NTNG1: variants seen among roughly 807,000 people sequenced by gnomAD.
The protein encoded by NTNG1 is netrin G1.
NTNG1 carries 16 observed loss-of-function variants against 54.0 expected under a neutral mutation model. The ratio of observed to expected loss-of-function variants is 0.30; its 90% CI spans 0.20 to 0.45. NTNG1 has a LOEUF of 0.45. NTNG1 is among the 20% of genes least tolerant of loss of function. NTNG1 has a pLI of 1.00. For missense variants in NTNG1, 530 were observed against 678.7 expected (o/e 0.78, Z 2.43); for synonymous variants, 255 against 263.1 (o/e 0.97, Z 0.30).
intron 3 of NTNG1, among the ~76,000 whole-genome samples, chr1:107,354,489 A>G (rs968572484): frequency 1.3e-5 from 2 of 151,612 alleles, no homozygotes. Flanking sequence ...AAAAAAAAAA[A>G]AAAGAATTAA....
chr1:107,415,821 T>C (rs1674160557), intron 5 of NTNG1, among the ~76,000 whole-genome samples: 1 of 152,128 alleles, frequency 6.6e-6, no homozygotes, highest in Non-Finnish European at 1.5e-5. Flanking sequence ...TGGAATTGGA[T>C]GTGATAAGAT....
chr1:107,428,941 T>A (rs1675075904), intron 5 of NTNG1, among the ~76,000 whole-genome samples: 1 of 152,048 alleles, frequency 6.6e-6, no homozygotes, highest in Non-Finnish European at 1.5e-5. Context: ...TACTACTAAA[T>A]TTATATGGAT....
intron 7 of NTNG1, among the ~76,000 whole-genome samples, chr1:107,476,591 A>C (rs908436291): frequency 1.3e-5 from 2 of 151,744 alleles, no homozygotes; most frequent in African/African-American, 4.8e-5. Flanking sequence ...GGAAGCTTAG[A>C]CTCTCTCTTA....
chr1:107,395,335 C>T lies in NTNG1; in HGVS notation c.1060+9C>T. 1 of 1,611,464 alleles carries T rather than the reference C, an allele frequency of 6.2e-7. No individual in the cohort carries two copies. The highest frequency in any genetic ancestry group is 8.5e-7 in the Non-Finnish European group (1 of 1,177,848). ...AGGCACTGCAAATACCTGTGAGTAA[C>T]TTTGCTTGGTAACAGCATATTCTGT... On this transcript the variant is annotated intron_variant, in intron 4 of 7. Coordinates refer to ENST00000370068, the MANE Select transcript of NTNG1 (RefSeq NM_001113226.3).
intron 2 of NTNG1, among the ~76,000 whole-genome samples, chr1:107,286,076 C>T (rs1252750362): frequency 1.3e-5 from 2 of 152,084 alleles, no homozygotes; most frequent in Non-Finnish European, 2.9e-5. Flanking sequence ...CTACAAATTC[C>T]CTTAAGCAGA....
chr1:107,162,271 A>T (rs1655462091), intron 2 of NTNG1, among the ~76,000 whole-genome samples: 1 of 152,136 alleles, frequency 6.6e-6, no homozygotes, highest in Non-Finnish European at 1.5e-5. Flanking sequence ...TCAAATGGGG[A>T]TGCACTACTT....
chr1:107,176,375 G>C (rs983465036), intron 2 of NTNG1, among the ~76,000 whole-genome samples: 3 of 152,078 alleles, frequency 2.0e-5, no homozygotes, highest in Non-Finnish European at 2.9e-5. Flanking sequence ...TTACTCTTAA[G>C]TATCTGAACA....
intron 2 of NTNG1, among the ~76,000 whole-genome samples, chr1:107,172,125 T>G (rs533405851): frequency 2.0e-4 from 30 of 152,114 alleles, no homozygotes; most frequent in Non-Finnish European, 3.5e-4. Flanking sequence ...ATTTTGCCCC[T>G]TGCTTATTTA....
intron 5 of NTNG1, among the ~76,000 whole-genome samples, chr1:107,414,927 T>G (rs1570911890): frequency 6.6e-6 from 1 of 152,148 alleles, no homozygotes. Flanking sequence ...TTAAATAAAT[T>G]TATCCTAAAT....
At chr1:107,293,756 A>T (rs1195716704) in intron 2 of NTNG1, among the ~76,000 whole-genome samples, 5 of 152,192 alleles carry the variant, frequency 3.3e-5, no homozygotes, top group African/African-American at 1.2e-4. Flanking sequence ...GGCACAGAGC[A>T]CTCAATAAAA....
chr1:107,464,073 A>G (rs892747051), intron 7 of NTNG1, among the ~76,000 whole-genome samples: 3 of 152,158 alleles, frequency 2.0e-5, no homozygotes, highest in Non-Finnish European at 1.5e-5. Context: ...CCTTAATTCA[A>G]TATCCTTTGA....
chr1:107,145,521 G>A (rs1005089282), intron 1 of NTNG1, among the ~76,000 whole-genome samples: 1 of 151,878 alleles, frequency 6.6e-6, no homozygotes, highest in Non-Finnish European at 1.5e-5. Flanking sequence ...TCTGTAATAC[G>A]CCGTGGTCAA....
intron 2 of NTNG1, among the ~76,000 whole-genome samples, chr1:107,165,810 A>G (rs1418173441): frequency 6.6e-6 from 1 of 152,156 alleles, no homozygotes; most frequent in Non-Finnish European, 1.5e-5. Flanking sequence ...TATTATGTCA[A>G]AGTAACCTCA....
intron 2 of NTNG1, among the ~76,000 whole-genome samples, chr1:107,261,748 C>A (rs978102069): frequency 6.6e-6 from 1 of 152,108 alleles, no homozygotes; most frequent in East Asian, 1.9e-4. Flanking sequence ...GAGGCTGAGG[C>A]GGGAGAATGG....
At chr1:107,198,013 A>T (rs1375233559) in intron 2 of NTNG1, among the ~76,000 whole-genome samples, 1 of 152,004 alleles carries the variant, frequency 6.6e-6, no homozygotes, top group African/African-American at 2.4e-5. Flanking sequence ...TGTCAAAGGT[A>T]GATTCTAGTG....
chr1:107,141,384 A>G (rs912251761), intron 1 of NTNG1: 1 of 149,696 alleles, frequency 6.7e-6, no homozygotes, highest in Non-Finnish European at 1.5e-5. Flanking sequence ...GAGGCGGACC[A>G]GGCTGGCTGC....
At chr1:107,305,324 A>G (rs1009878053) in intron 2 of NTNG1, among the ~76,000 whole-genome samples, 24 of 152,230 alleles carry the variant, frequency 1.6e-4, no homozygotes, top group African/African-American at 4.3e-4. Flanking sequence ...TGTCTTCCAC[A>G]ATGGTTGAAC....
intron 3 of NTNG1, among the ~76,000 whole-genome samples, chr1:107,380,563 G>T (rs1410772621): frequency 6.6e-6 from 1 of 152,160 alleles, no homozygotes. Context: ...GTATTCTTAT[G>T]AAGGCATGTT....
chr1:107,381,925 T>C (rs1671670002), intron 3 of NTNG1, among the ~76,000 whole-genome samples: 1 of 152,168 alleles, frequency 6.6e-6, no homozygotes, highest in African/African-American at 2.4e-5. Flanking sequence ...AGGTTGGCAG[T>C]ATTGTAATTA....
Sources: gnomAD v4.1 joint callset for allele counts (sites outside exome capture counted in the v4.1 genomes callset) on GRCh38, gnomAD v4.1.1 for gene constraint, MANE v1.5 for transcripts, NCBI Gene and HGNC (gene_info 2026-07-23, HGNC 2026-07-21) for gene names.